The following TPRG1 variants were observed in gnomAD, a reference collection of about 807,000 sequenced individuals.
TPRG1 encodes the protein tumor protein p63 regulated 1, also known as tumor protein p63-regulated gene 1 protein.
TPRG1 carries 29 observed loss-of-function variants against 29.3 expected under a neutral mutation model. The observed-to-expected ratio is 0.99, with a 90% confidence interval of 0.74 to 1.35. TPRG1 has a LOEUF of 1.35. Among genes scored for constraint, TPRG1 ranks in the 40% most tolerant of loss-of-function variants. The pLI, the probability that TPRG1 is intolerant of heterozygous loss-of-function variation, is 0.00. For missense variants in TPRG1, 327 were observed against 335.0 expected (o/e 0.98, Z 0.19); for synonymous variants, 130 against 116.8 (o/e 1.11, Z -0.73).
At chr3:189,184,179 G>A (rs1730609179) in intron 1 of TPRG1, among the ~76,000 whole-genome samples, 1 of 152,232 alleles carries the variant, frequency 6.6e-6, no homozygotes, top group South Asian at 2.1e-4. Context: ...TACTAACCGT[G>A]TGACCCTGGG....
chr3:189,292,675 C>T (rs1412571233), intron 4 of TPRG1, among the ~76,000 whole-genome samples: 2 of 152,152 alleles, frequency 1.3e-5, no homozygotes, highest in African/African-American at 4.8e-5. Context: ...GTGGCTTTAA[C>T]TTCTTTATGG....
At chr3:189,161,529 G>A (rs921022618) in intron 5 of TPRG1, among the ~76,000 whole-genome samples, 1 of 151,534 alleles carries the variant, frequency 6.6e-6, no homozygotes, top group Non-Finnish European at 1.5e-5. Flanking sequence ...ATCTTTTCTG[G>A]GTGCAAAAAC....
chr3:189,061,917 C>T (rs759709501), intron 4 of TPRG1, among the ~76,000 whole-genome samples: 5 of 152,134 alleles, frequency 3.3e-5, no homozygotes, highest in Non-Finnish European at 5.9e-5. Context: ...GCCACTTGAC[C>T]CAGTAATCCC....
chr3:189,218,408 G>T (rs1465258171), intron 3 of TPRG1, among the ~76,000 whole-genome samples: 1 of 152,044 alleles, frequency 6.6e-6, no homozygotes, highest in Non-Finnish European at 1.5e-5. Flanking sequence ...GAGCCATCGC[G>T]CCCGGCCGAG....
At chr3:189,114,659 G>T (rs1720961957) in intron 1 of TPRG1, among the ~76,000 whole-genome samples, 1 of 152,170 alleles carries the variant, frequency 6.6e-6, no homozygotes. Flanking sequence ...CCAGCCACAA[G>T]GAAGAAGAGG....
chr3:189,211,339 C>A (rs1735228422), intron 2 of TPRG1, among the ~76,000 whole-genome samples: 1 of 152,084 alleles, frequency 6.6e-6, no homozygotes, highest in African/African-American at 2.4e-5. Flanking sequence ...CTCAATTTCT[C>A]CAGTGCCAGG....
At chr3:189,106,744 T>G (rs548794179) in intron 1 of TPRG1, among the ~76,000 whole-genome samples, 1 of 152,290 alleles carries the variant, frequency 6.6e-6, no homozygotes, top group African/African-American at 2.4e-5. Context: ...GTATATGACC[T>G]TGTGTTTTTC....
At chr3:189,187,309 G>GT (rs1421168374) in intron 1 of TPRG1, among the ~76,000 whole-genome samples, 1 of 145,712 alleles carries the variant, frequency 6.9e-6, no homozygotes, top group Non-Finnish European at 1.5e-5. Flanking sequence ...TTTTTTGTTT[G>GT]TTTTTTGTTT....
chr3:189,250,262 G>A (rs1741957386), intron 4 of TPRG1, among the ~76,000 whole-genome samples: 1 of 152,258 alleles, frequency 6.6e-6, no homozygotes, highest in Non-Finnish European at 1.5e-5. Flanking sequence ...ATGATTAAGT[G>A]ATAGTTGTTT....
chr3:189,291,070 T>A (rs1303366583), intron 4 of TPRG1, among the ~76,000 whole-genome samples: 1 of 151,934 alleles, frequency 6.6e-6, no homozygotes, highest in East Asian at 1.9e-4. Flanking sequence ...CCTGGCTAAT[T>A]TTTTTTATTT....
intron 1 of TPRG1, among the ~76,000 whole-genome samples, chr3:189,204,526 G>A (rs2108792508): frequency 6.6e-6 from 1 of 152,286 alleles, no homozygotes; most frequent in East Asian, 1.9e-4. Context: ...CACTATTTAT[G>A]GCAGTGAGAA....
intron 4 of TPRG1, among the ~76,000 whole-genome samples, chr3:189,299,976 C>T (rs1481701367): frequency 6.6e-6 from 1 of 152,108 alleles, no homozygotes; most frequent in African/African-American, 2.4e-5. Flanking sequence ...CTGGAAGCCA[C>T]TTTAGTTTTC....
chr3:188,999,471 A>G (rs1308050319), intron 1 of TPRG1, among the ~76,000 whole-genome samples: 2 of 152,210 alleles, frequency 1.3e-5, no homozygotes, highest in Admixed American at 1.3e-4. Context: ...GACAGTATGC[A>G]CAGGGGTTAG....
intron 4 of TPRG1, among the ~76,000 whole-genome samples, chr3:189,036,206 A>G (rs544294781): frequency 6.6e-6 from 1 of 152,286 alleles, no homozygotes; most frequent in South Asian, 2.1e-4. Flanking sequence ...GTGGGAGCTA[A>G]ACATTGAGTA....
rs1224462308 is a variant in TPRG1 at position 189,232,065 on chromosome 3, G to GA, written c.303-6661dup. 4.0e-5 allele frequency among the ~76,000 whole-genome samples: 6 copies of GA among 151,300 alleles called. No individual in the cohort carries two copies. In the East Asian group the frequency reaches 5.8e-4, roughly 15 times the overall value. On this transcript the variant is annotated intron_variant, in intron 3 of 5. Transcript: ENST00000345063. ...CTTACAAAGCCCTTTGTTTTATAAA[G>GA]AAAAAAATGGCCACTTTTTTTTTCT...
At chr3:189,268,953 T>C (rs1209437665) in intron 4 of TPRG1, among the ~76,000 whole-genome samples, 1 of 152,228 alleles carries the variant, frequency 6.6e-6, no homozygotes, top group Non-Finnish European at 1.5e-5. Flanking sequence ...CAATTTAGCA[T>C]GTGTATTTTC....
chr3:189,091,179 T>C (rs1718314546), intron 4 of TPRG1, among the ~76,000 whole-genome samples: 1 of 152,104 alleles, frequency 6.6e-6, no homozygotes. Context: ...ATTATGTGGC[T>C]TTTTTCTTTC....
At chr3:189,217,945 A>G in intron 3 of TPRG1, 1 of 985,412 alleles carries the variant, frequency 1.0e-6, no homozygotes, top group Non-Finnish European at 1.2e-6. Flanking sequence ...CAACTCCCCC[A>G]ACAGCAACCA....
chr3:189,118,838 G>A (rs4393893), intron 1 of TPRG1, among the ~76,000 whole-genome samples: 52,167 of 151,922 alleles, frequency 0.34, 10,415 homozygotes, highest in African/African-American at 0.52. Flanking sequence ...AGAAGTCTGC[G>A]CAGAGGCAGA....
Sources: gnomAD v4.1 joint callset for allele counts (sites outside exome capture counted in the v4.1 genomes callset) on GRCh38, gnomAD v4.1.1 for gene constraint, MANE v1.5 for transcripts, NCBI Gene and HGNC (gene_info 2026-07-23, HGNC 2026-07-21) for gene names.